Variants in CADM3 observed in about 807,000 individuals in gnomAD.
CADM3 encodes the protein cell adhesion molecule 3.
Under a neutral mutation model 44.9 loss-of-function variants are expected in CADM3, and 11 were observed. That is an observed-to-expected ratio of 0.25 (90% CI 0.15 to 0.41). The LOEUF is 0.41. CADM3 is among the 10% of genes least tolerant of loss of function. The probability of loss-of-function intolerance (pLI) is 1.00; values close to 1 mark genes in which losing one functional copy is unlikely to be tolerated. For synonymous variants in CADM3, 207 were observed against 205.2 expected, an observed-to-expected ratio of 1.01 and a Z score of -0.08; for missense variants, 426 against 512.0, an observed-to-expected ratio of 0.83 and a Z score of 1.62.
intron 1 of CADM3, among the ~76,000 whole-genome samples, chr1:159,188,496 C>G (rs567152575): frequency 2.6e-5 from 4 of 152,182 alleles, no homozygotes; most frequent in Admixed American, 6.5e-5. Context: ...CTCCCCTCTC[C>G]TCCCCCACCT....
intron 1 of CADM3, among the ~76,000 whole-genome samples, chr1:159,172,816 C>A (rs1326571683): frequency 1.3e-5 from 2 of 152,050 alleles, no homozygotes; most frequent in African/African-American, 2.4e-5. Flanking sequence ...GAGCCCCTCC[C>A]GCCCTGGGCC....
At position 159,171,831 on chromosome 1, in the gene CADM3, C is replaced by T. The variant is rs529885845; in HGVS notation, c.66C>T (p.Gly22=). 2.4e-6 allele frequency: 3 copies of T among 1,245,228 alleles called. No individual in the cohort carries two copies. Among genetic ancestry groups the T allele is most frequent in the African/African-American group, 1.5e-5 (1 of 64,948 alleles). The allele number at this position is 1,245,228 out of a possible 1,614,324, so 77.1% of individuals were successfully genotyped here. A position where few individuals can be genotyped will look rare whatever the true frequency, so the allele number is the denominator to read the frequency against. The part of the protein sequence containing the change: ...LLLFACCWAP[G]GANLSQDDSQ... ...TGTTCGCCTGCTGCTGGGCGCCCGGCGGGGCCAACCTCTCCCAGGACGGTG... is the reference window on the plus strand; with the variant it reads ...TGTTCGCCTGCTGCTGGGCGCCCGGTGGGGCCAACCTCTCCCAGGACGGTG... Residue 22 remains glycine (G), a synonymous_variant, in exon 1 of 9, where the codon GGC becomes GGT. Coordinates refer to ENST00000368125, the MANE Select transcript of CADM3 (RefSeq NM_001127173.3).
intron 1 of CADM3, among the ~76,000 whole-genome samples, chr1:159,182,384 T>C (rs1437192337): frequency 6.6e-6 from 1 of 152,184 alleles, no homozygotes; most frequent in Non-Finnish European, 1.5e-5. Context: ...AGCGGAAATA[T>C]TTGACACTTA....
chr1:159,179,592 C>T (rs1003440867), intron 1 of CADM3, among the ~76,000 whole-genome samples: 2 of 152,304 alleles, frequency 1.3e-5, no homozygotes, highest in African/African-American at 2.4e-5. Context: ...GTACTTCTGA[C>T]AACAGATTTT....
intron 1 of CADM3, among the ~76,000 whole-genome samples, chr1:159,179,704 T>C (rs1649156888): frequency 6.6e-6 from 1 of 152,200 alleles, no homozygotes; most frequent in South Asian, 2.1e-4. Context: ...CAATGAGAGG[T>C]AACTTGGAAC....
Position 159,196,891 on chromosome 1 carries a change from C to T in CADM3, c.783C>T (p.Val261=), listed in dbSNP as rs149370954. 2.5e-6 allele frequency: 4 copies of T among 1,613,728 alleles called. No homozygotes were observed. The highest frequency in any genetic ancestry group is 1.7e-5 in the Admixed American group (1 of 59,990). ...LLHCEGRGNP[V]PQQYLWEKEG... The stretch of plus-strand genomic sequence containing the variant: ...TCTTCTGATTTGTCTGCCTCGACAG[C>T]CCCCAGCAGTACCTATGGGAGAAGG... The change falls in exon 7 of 9, where the codon GTC becomes GTT. Residue 261 remains valine, a splice_region_variant and synonymous_variant. Coordinates refer to ENST00000368125, the MANE Select transcript of CADM3 (RefSeq NM_001127173.3).
intron 6 of CADM3, 97 bp downstream of exon 6, chr1:159,196,551 G>A (rs1193214128): frequency 1.0e-6 from 1 of 961,068 alleles, no homozygotes; most frequent in African/African-American, 1.6e-5. Flanking sequence ...TGTATTGTCT[G>A]ACCTGAGCCT....
At chr1:159,186,214 T>C (rs1557933091) in intron 1 of CADM3, among the ~76,000 whole-genome samples, 1 of 151,798 alleles carries the variant, frequency 6.6e-6, no homozygotes, top group South Asian at 2.1e-4. Flanking sequence ...GTGAGTGGAG[T>C]AGAGAAAACA....
chr1:159,172,605 T>C (rs1473418327), intron 1 of CADM3, among the ~76,000 whole-genome samples: 1 of 151,792 alleles, frequency 6.6e-6, no homozygotes, highest in East Asian at 1.9e-4. Flanking sequence ...AATCAAGATA[T>C]TTGGGGAGGA....
chr1:159,200,522 A>G (rs566690311), intron 8 of CADM3, among the ~76,000 whole-genome samples: 1,334 of 7,762 alleles, frequency 0.17, 8 homozygotes, highest in East Asian at 0.37. Context: ...GTGCAAGCAC[A>G]CACACACACA....
chr1:159,172,738 G>A (rs1332078161), intron 1 of CADM3, among the ~76,000 whole-genome samples: 2 of 152,080 alleles, frequency 1.3e-5, no homozygotes, highest in East Asian at 3.9e-4. Context: ...GTTCCTAATG[G>A]TAGAGAGATG....
intron 1 of CADM3, among the ~76,000 whole-genome samples, chr1:159,186,266 T>C (rs1007638844): frequency 1.3e-5 from 2 of 152,186 alleles, no homozygotes; most frequent in South Asian, 2.1e-4. Context: ...TACAGGACCT[T>C]GAAGGCTAGG....
intron 1 of CADM3, 140 bp from the exon 2 acceptor site, chr1:159,191,796 C>A: frequency 2.2e-6 from 2 of 917,498 alleles, no homozygotes; most frequent in South Asian, 1.7e-5. Flanking sequence ...TTCCTTCCCC[C>A]ATGAAACCTT....
chr1:159,180,841 C>T (rs1261936531), intron 1 of CADM3, among the ~76,000 whole-genome samples: 1 of 152,140 alleles, frequency 6.6e-6, no homozygotes, highest in Non-Finnish European at 1.5e-5. Context: ...TTAAACTTTT[C>T]CACAGCATTG....
At chr1:159,200,408 C>CGTAT (rs1489488319) in intron 8 of CADM3, among the ~76,000 whole-genome samples, 7 of 152,178 alleles carry the variant, frequency 4.6e-5, no homozygotes, top group Admixed American at 1.3e-4. Context: ...ATAGGCTGGT[C>CGTAT]ATACATAAGC....
rs977538302 is a variant in CADM3 at position 159,171,809 on chromosome 1, T to C, written c.44T>C (p.Phe15Ser). ...TCGCTCCTGCTCCTGCTCCTGCTGTTCGCCTGCTGCTGGGCGCCCGGCGGG... is the reference window on the plus strand; with the variant it reads ...TCGCTCCTGCTCCTGCTCCTGCTGTCCGCCTGCTGCTGGGCGCCCGGCGGG... ...AASLLLLLLL[F>S]ACCWAPGGAN... Residue 15 changes from phenylalanine (F) to serine (S), a missense_variant, in exon 1 of 9, where the codon TTC (phenylalanine) becomes TCC (serine). Phe to Ser is a radical substitution (Grantham distance 155, BLOSUM62 -2). Transcript: ENST00000368125. 5.6e-6 allele frequency: 7 copies of C among 1,247,812 alleles called. No individual in the cohort carries two copies. The highest frequency in any genetic ancestry group is 7.0e-6 in the Non-Finnish European group (7 of 995,044). 77.3% of individuals were successfully genotyped at this position (1,247,812 alleles called of 1,614,324 possible). A position where few individuals can be genotyped will look rare whatever the true frequency, so the allele number is the denominator to read the frequency against.
At chr1:159,194,149 G>C in intron 5 of CADM3, 109 bp downstream of exon 5, 2 of 1,199,138 alleles carry the variant, frequency 1.7e-6, no homozygotes, top group Non-Finnish European at 1.2e-6. Context: ...TAAGTGAATA[G>C]GTAAAAAATG....
Position 159,171,831 on chromosome 1 carries a change from C to A in CADM3, c.66C>A (p.Gly22=). The A allele has an allele frequency of 1.6e-6, 2 of 1,245,228 alleles. No homozygotes were observed. Among genetic ancestry groups the A allele is most frequent in the South Asian group, 4.0e-5 (1 of 24,836 alleles). The allele number at this position is 1,245,228 out of a possible 1,614,324, so 77.1% of individuals were successfully genotyped here. Residue 22 remains glycine (G), a synonymous_variant, in exon 1 of 9, where the codon GGC becomes GGA. Transcript: ENST00000368125. The part of the protein sequence containing the change: ...LLLFACCWAP[G]GANLSQDDSQ... ...TGTTCGCCTGCTGCTGGGCGCCCGG[C>A]GGGGCCAACCTCTCCCAGGACGGTG...
At chr1:159,177,480 G>A (rs959093813) in intron 1 of CADM3, among the ~76,000 whole-genome samples, 1 of 152,104 alleles carries the variant, frequency 6.6e-6, no homozygotes, top group Non-Finnish European at 1.5e-5. Flanking sequence ...CCCTGACAGT[G>A]ACACTCCAGG....
Sources: gnomAD v4.1 joint callset for allele counts (sites outside exome capture counted in the v4.1 genomes callset) on GRCh38, gnomAD v4.1.1 for gene constraint, MANE v1.5 for transcripts, NCBI Gene and HGNC (gene_info 2026-07-23, HGNC 2026-07-21) for gene names.